Variants in CDH12 observed in about 807,000 individuals in gnomAD.
The protein encoded by CDH12 is cadherin 12.
A neutral mutation model predicts 74.1 loss-of-function variants in CDH12; 41 were observed. The ratio of observed to expected loss-of-function variants is 0.55; its 90% CI spans 0.43 to 0.72. The LOEUF (loss-of-function observed/expected upper bound fraction) is 0.72. Ranked by LOEUF, CDH12 falls within the 30% of genes least tolerant of loss-of-function variation. The probability of loss-of-function intolerance (pLI) is 0.00; values close to 1 mark genes in which losing one functional copy is unlikely to be tolerated. For synonymous variants in CDH12, 399 were observed against 355.0 expected, an observed-to-expected ratio of 1.12 and a Z score of -1.39; for missense variants, 945 against 977.2, an observed-to-expected ratio of 0.97 and a Z score of 0.44.
At chr5:22,743,381 A>G (rs2127021594) in intron 1 of CDH12, among the ~76,000 whole-genome samples, 1 of 151,540 alleles carries the variant, frequency 6.6e-6, no homozygotes, top group South Asian at 2.1e-4. Context: ...TATTAAGCAT[A>G]AAATCTTAGG....
intron 6 of CDH12, among the ~76,000 whole-genome samples, chr5:21,916,537 C>T (rs1754103725): frequency 1.3e-5 from 2 of 150,564 alleles, no homozygotes. Flanking sequence ...CAGATTAGGC[C>T]TATTGGAAGC....
At chr5:22,569,074 T>C (rs950138208) in intron 1 of CDH12, among the ~76,000 whole-genome samples, 1 of 152,204 alleles carries the variant, frequency 6.6e-6, no homozygotes, top group Non-Finnish European at 1.5e-5. Flanking sequence ...AATTTCTCTG[T>C]AGCATATGAT....
intron 2 of CDH12, among the ~76,000 whole-genome samples, chr5:22,495,367 G>A (rs963846255): frequency 1.3e-5 from 2 of 152,048 alleles, no homozygotes; most frequent in Non-Finnish European, 2.9e-5. Context: ...TTTATGACTG[G>A]GAAAAATATT....
At chr5:22,303,711 T>C (rs960933568) in intron 3 of CDH12, among the ~76,000 whole-genome samples, 18 of 152,138 alleles carry the variant, frequency 1.2e-4, no homozygotes, top group South Asian at 1.0e-3. Context: ...AGCCAGTTCA[T>C]GACCGATTAT....
At chr5:22,706,383 T>A (rs1015270902) in intron 1 of CDH12, among the ~76,000 whole-genome samples, 1 of 152,100 alleles carries the variant, frequency 6.6e-6, no homozygotes, top group African/African-American at 2.4e-5. Context: ...CATAATTCAT[T>A]CATAAATCAT....
chr5:22,708,336 C>A (rs1554060642), intron 1 of CDH12, among the ~76,000 whole-genome samples: 1 of 152,142 alleles, frequency 6.6e-6, no homozygotes, highest in Non-Finnish European at 1.5e-5. Flanking sequence ...CAAAGAGACA[C>A]AAACTCTCCC....
intron 1 of CDH12, among the ~76,000 whole-genome samples, chr5:22,802,761 C>T (rs1488954125): frequency 6.6e-6 from 1 of 152,146 alleles, no homozygotes; most frequent in East Asian, 1.9e-4. Flanking sequence ...CAACCCCAAA[C>T]ACACAATAGG....
chr5:22,641,741 G>A (rs1348234113), intron 1 of CDH12, among the ~76,000 whole-genome samples: 1 of 152,104 alleles, frequency 6.6e-6, no homozygotes, highest in Admixed American at 6.6e-5. Context: ...AAATATCAAT[G>A]AGTGGCTTAT....
At chr5:22,487,944 G>A (rs952036387) in intron 2 of CDH12, among the ~76,000 whole-genome samples, 5 of 152,156 alleles carry the variant, frequency 3.3e-5, no homozygotes, top group African/African-American at 1.2e-4. Context: ...CATATAACAG[G>A]CATGTCTGAT....
chr5:21,866,018 A>T (rs796232973), intron 6 of CDH12, among the ~76,000 whole-genome samples: 8 of 152,170 alleles, frequency 5.3e-5, no homozygotes, highest in African/African-American at 1.9e-4. Context: ...GTTTCATGAG[A>T]TCTGATGGTT....
At chr5:22,253,222 T>C (rs1753193139) in intron 3 of CDH12, among the ~76,000 whole-genome samples, 2 of 152,000 alleles carry the variant, frequency 1.3e-5, no homozygotes, top group South Asian at 4.1e-4. Flanking sequence ...ATTTTAATAA[T>C]AATACATATT....
chr5:22,724,220 T>C (rs1400331195), intron 1 of CDH12, among the ~76,000 whole-genome samples: 1 of 150,800 alleles, frequency 6.6e-6, no homozygotes, highest in East Asian at 2.0e-4. Flanking sequence ...TTTAAAGATA[T>C]TATTTTTAAT....
At chr5:22,474,124 C>A (rs1030325301) in intron 2 of CDH12, among the ~76,000 whole-genome samples, 16 of 152,094 alleles carry the variant, frequency 1.1e-4, no homozygotes, top group Admixed American at 7.9e-4. Flanking sequence ...TGTGATACTG[C>A]AGAGGATTAC....
intron 2 of CDH12, among the ~76,000 whole-genome samples, chr5:22,429,530 C>T (rs1035484804): frequency 6.6e-6 from 1 of 152,110 alleles, no homozygotes; most frequent in African/African-American, 2.4e-5. Flanking sequence ...TAGTTATGCA[C>T]ATCTTTCTAT....
intron 4 of CDH12, among the ~76,000 whole-genome samples, chr5:22,207,781 A>C (rs1751299004): frequency 6.6e-6 from 1 of 152,194 alleles, no homozygotes; most frequent in African/African-American, 2.4e-5. Flanking sequence ...GTACTTATAT[A>C]AACACAGTGT....
intron 2 of CDH12, among the ~76,000 whole-genome samples, chr5:22,454,671 C>T (rs1331170414): frequency 6.6e-6 from 1 of 152,094 alleles, no homozygotes; most frequent in East Asian, 1.9e-4. Flanking sequence ...TACGGGGTTT[C>T]ACCATGTTGG....
chr5:22,741,983 C>G (rs1478936310), intron 1 of CDH12, among the ~76,000 whole-genome samples: 2 of 152,092 alleles, frequency 1.3e-5, no homozygotes, highest in African/African-American at 4.8e-5. Flanking sequence ...GAGTTCGAGA[C>G]CAGCGTGGTC....
intron 3 of CDH12, among the ~76,000 whole-genome samples, chr5:22,385,038 T>C (rs1297347807): frequency 6.6e-6 from 1 of 152,186 alleles, no homozygotes; most frequent in African/African-American, 2.4e-5. Context: ...GAATGTCTTT[T>C]AGTAGAGTGA....
intron 5 of CDH12, among the ~76,000 whole-genome samples, chr5:22,025,381 T>G (rs1299303863): frequency 6.6e-6 from 1 of 152,166 alleles, no homozygotes; most frequent in African/African-American, 2.4e-5. Context: ...ATAAAAGTTA[T>G]GTTCATGCTA....
Sources: allele counts gnomAD v4.1 joint callset (sites outside exome capture counted in the v4.1 genomes callset), GRCh38; gene constraint gnomAD v4.1.1; transcripts MANE v1.5; gene names NCBI Gene and HGNC (gene_info 2026-07-23, HGNC 2026-07-21).